The following POLB variants were observed in gnomAD, a reference collection of about 807,000 sequenced individuals.
POLB encodes the protein DNA polymerase beta.
A neutral mutation model predicts 52.7 loss-of-function variants in POLB; 37 were observed. The observed-to-expected ratio is 0.70, with a 90% CI of 0.54 to 0.92. The LOEUF is 0.92. Ranked by LOEUF, POLB falls within the 40% of genes least tolerant of loss-of-function variation. The pLI, the probability that POLB is intolerant of heterozygous loss-of-function variation, is 0.00. For synonymous variants in POLB, 138 were observed against 131.3 expected, an observed-to-expected ratio of 1.05 and a Z score of -0.35; for missense variants, 313 against 400.8, an observed-to-expected ratio of 0.78 and a Z score of 1.87.
intron 2 of POLB, among the ~76,000 whole-genome samples, chr8:42,343,417 C>T (rs1262030839): frequency 7.4e-6 from 1 of 135,532 alleles, no homozygotes; most frequent in Non-Finnish European, 1.5e-5. Flanking sequence ...ATCCCAGCTA[C>T]TCAGGAGGCT....
chr8:42,346,454 C>T (rs765144391), intron 3 of POLB, among the ~76,000 whole-genome samples: 142 of 150,524 alleles, frequency 9.4e-4, no homozygotes, highest in Non-Finnish European at 6.5e-4. Context: ...ATAATCACAG[C>T]TTACTGCTGC....
chr8:42,350,560 C>T (rs969102200), intron 5 of POLB, among the ~76,000 whole-genome samples: 9 of 152,074 alleles, frequency 5.9e-5, no homozygotes, highest in East Asian at 1.9e-4. Context: ...TATAGGTGCA[C>T]GCCCCCTTGC....
rs746286686 is a variant in POLB, at chr8:42,348,984, T to C, written c.187-32T>C. 26 of 1,253,770 alleles carry C rather than the reference T, an allele frequency of 2.1e-5. No homozygotes were observed. In the Admixed American group the frequency reaches 4.6e-4, roughly 22 times the overall value. The allele number at this position is 1,253,770 out of a possible 1,614,324, so 77.7% of individuals were successfully genotyped here. ...AGTGATTTGGTAAGCATTATATTCATATGACTTTTATATTTCTAATTTTCC... is the reference window on the plus strand; with the variant it reads ...AGTGATTTGGTAAGCATTATATTCACATGACTTTTATATTTCTAATTTTCC... On this transcript the variant is annotated intron_variant, in intron 3 of 13. Transcript: ENST00000265421.
chr8:42,346,315 G>T (rs563707128), intron 3 of POLB, among the ~76,000 whole-genome samples: 1 of 151,900 alleles, frequency 6.6e-6, no homozygotes, highest in East Asian at 1.9e-4. Flanking sequence ...TGGAATTTAA[G>T]AATTAATATT....
intron 6 of POLB, among the ~76,000 whole-genome samples, chr8:42,355,185 C>G (rs955743025): frequency 4.6e-5 from 7 of 151,886 alleles, no homozygotes; most frequent in African/African-American, 1.2e-4. Flanking sequence ...ATTACAGGGG[C>G]ACACCACCAT....
intron 8 of POLB, 38 bp from the exon 9 acceptor site, chr8:42,357,282 C>A: frequency 7.0e-7 from 1 of 1,424,760 alleles, no homozygotes; most frequent in Non-Finnish European, 9.9e-7. Flanking sequence ...TGGTGAAAAG[C>A]CATTTTGGGA....
intron 11 of POLB, among the ~76,000 whole-genome samples, 165 bp downstream of exon 11, chr8:42,362,863 G>A (rs560394600): frequency 7.2e-5 from 11 of 152,336 alleles, no homozygotes; most frequent in African/African-American, 2.2e-4. Context: ...GGTGGCTCAC[G>A]CCTGTGATCC....
intron 7 of POLB, among the ~76,000 whole-genome samples, chr8:42,356,934 T>C (rs1179406805): frequency 1.3e-5 from 2 of 152,188 alleles, no homozygotes; most frequent in African/African-American, 4.8e-5. Flanking sequence ...AGATGGAGCC[T>C]TTGAAATATT....
At chr8:42,341,644 T>C in intron 2 of POLB, 1 of 230,602 alleles carries the variant, frequency 4.3e-6, no homozygotes, top group Non-Finnish European at 8.5e-6. Context: ...ACTGGATATG[T>C]GTGGAGGTGG....
At chr8:42,368,391 A>G (rs566361332) in intron 11 of POLB, among the ~76,000 whole-genome samples, 3 of 152,168 alleles carry the variant, frequency 2.0e-5, no homozygotes, top group African/African-American at 4.8e-5. Flanking sequence ...TAATTTTTCT[A>G]TTTTGCTGAG....
intron 3 of POLB, 82 bp downstream of exon 3, chr8:42,345,101 T>C: frequency 1.2e-6 from 1 of 834,958 alleles, no homozygotes; most frequent in South Asian, 1.4e-5. Context: ...CTTGCCTGTC[T>C]GAAGCAGCCT....
chr8:42,362,400 G>A (rs954749366), intron 10 of POLB, among the ~76,000 whole-genome samples: 1 of 151,862 alleles, frequency 6.6e-6, no homozygotes, highest in African/African-American at 2.4e-5. Context: ...ATTCAGGCAT[G>A]ATGTTGTTCC....
chr8:42,357,134 C>T (rs199695972), intron 7 of POLB, 35 bp from the exon 8 acceptor site: 60 of 1,193,676 alleles, frequency 5.0e-5, no homozygotes, highest in Admixed American at 8.1e-5. Flanking sequence ...TTAAATTTTA[C>T]GAAAATCTTT....
chr8:42,341,341 A>C (rs1822189746), intron 2 of POLB, among the ~76,000 whole-genome samples: 1 of 152,186 alleles, frequency 6.6e-6, no homozygotes, highest in Non-Finnish European at 1.5e-5. Context: ...TCCTGAAATG[A>C]TCCCCTCCAT....
intron 2 of POLB, chr8:42,340,088 C>A (rs1413680864): frequency 6.6e-6 from 1 of 152,242 alleles, no homozygotes; most frequent in African/African-American, 2.4e-5. Context: ...AATCCGCTCA[C>A]CTACGTCTCA....
intron 3 of POLB, 142 bp downstream of exon 3, chr8:42,345,161 C>T (rs1822531610): frequency 7.9e-6 from 5 of 629,156 alleles, no homozygotes; most frequent in Admixed American, 2.6e-5. Context: ...GAATAACATT[C>T]ATGCTGTTTC....
intron 3 of POLB, among the ~76,000 whole-genome samples, chr8:42,347,483 G>A (rs1484466407): frequency 6.6e-6 from 1 of 151,164 alleles, no homozygotes; most frequent in African/African-American, 2.4e-5. Context: ...TCTTAGTAAC[G>A]GAAGTAATAG....
intron 3 of POLB, among the ~76,000 whole-genome samples, chr8:42,347,196 A>G (rs942790479): frequency 2.0e-5 from 3 of 151,878 alleles, no homozygotes; most frequent in Non-Finnish European, 4.4e-5. Context: ...TCTCATCATT[A>G]TTCCTTTTCA....
intron 6 of POLB, among the ~76,000 whole-genome samples, chr8:42,354,727 G>A (rs1823192801): frequency 1.3e-5 from 2 of 151,508 alleles, no homozygotes; most frequent in African/African-American, 4.8e-5. Flanking sequence ...AAGTTTTAGT[G>A]GAGACAGAGT....
Sources: gnomAD v4.1 joint callset for allele counts (sites outside exome capture counted in the v4.1 genomes callset) on GRCh38, gnomAD v4.1.1 for gene constraint, MANE v1.5 for transcripts, NCBI Gene and HGNC (gene_info 2026-07-23, HGNC 2026-07-21) for gene names.